SUGT1: variants seen among roughly 807,000 people sequenced by gnomAD.
The protein encoded by SUGT1 is protein SGT1 homolog.
SUGT1 carries 15 observed loss-of-function variants against 56.1 expected under a neutral mutation model. That is an observed-to-expected ratio of 0.27 (90% CI 0.18 to 0.41). The LOEUF (loss-of-function observed/expected upper bound fraction) is 0.41, where lower values mean the gene tolerates loss of function less well. SUGT1 is among the 10% of genes least tolerant of loss of function. SUGT1 has a pLI of 1.00. For missense variants in SUGT1, 347 were observed against 382.2 expected (o/e 0.91, Z 0.77); for synonymous variants, 123 against 128.6 (o/e 0.96, Z 0.30).
At chr13:52,687,368 TATA>T (rs1963638415) in intron 12 of SUGT1, 1 of 124,096 alleles carries the variant, frequency 8.1e-6, no homozygotes, top group African/African-American at 3.2e-5. Flanking sequence ...CAAAAGAGAT[TATA>T]ATAATCATTT....
At chr13:52,685,842 T>A (rs1189458183) in intron 12 of SUGT1, among the ~76,000 whole-genome samples, 1 of 152,154 alleles carries the variant, frequency 6.6e-6, no homozygotes, top group African/African-American at 2.4e-5. Flanking sequence ...TTAGGAGAGA[T>A]GCGGGGGTGG....
In SUGT1 at chr13:52,695,889, A is replaced by G. The variant is rs2138196700; in HGVS notation, c.*8054A>G. The G allele has an allele frequency of 6.6e-6, 1 of 152,334 alleles. No individual in the cohort carries two copies. Among genetic ancestry groups the G allele is most frequent in the East Asian group, 1.9e-4 (1 of 5,188 alleles). The allele number at this position is 152,334 out of a possible 1,614,324, so 9.4% of individuals were successfully genotyped here. A position where few individuals can be genotyped will look rare whatever the true frequency, so the allele number is the denominator to read the frequency against. On this transcript the variant is annotated 3_prime_UTR_variant, in exon 13 of 13. Coordinates refer to ENST00000310528, the MANE Select transcript of SUGT1 (RefSeq NM_006704.5). ...ATCTCCAGTTTCCTACTGATGTGTCAAAACTGAGTTTGTATGCTACCTCCA... is the reference window on the plus strand; with the variant it reads ...ATCTCCAGTTTCCTACTGATGTGTCGAAACTGAGTTTGTATGCTACCTCCA...
rs995006116 is a variant in SUGT1, at chr13:52,694,091, G to A, written c.*6256G>A. ...TGAAATTGTGGAAAGCAAAACCATG[G>A]ATAAAGGGGAACTATTAATAGTCTA... On this transcript the variant is annotated 3_prime_UTR_variant, in exon 13 of 13. Transcript: ENST00000310528. 6.6e-6 allele frequency: 1 copy of A among 152,166 alleles called. No homozygotes were observed. Among genetic ancestry groups the A allele is most frequent in the Admixed American group, 6.5e-5 (1 of 15,276 alleles). 9.4% of individuals were successfully genotyped at this position (152,166 alleles called of 1,614,324 possible).
At chr13:52,657,498 CTT>C in intron 2 of SUGT1, 32 bp from the exon 3 acceptor site, 1 of 1,586,232 alleles carries the variant, frequency 6.3e-7, no homozygotes, top group South Asian at 1.1e-5. Flanking sequence ...TTCTTACAAA[CTT>C]TTACTGACGC....
rs1963798066 is a variant in SUGT1 at position 52,692,133 on chromosome 13, G to A, written c.*4298G>A. ...TACTAGCATTTCTTATGGATTGGGT[G>A]GCATTATCTCATTTTTAATCGCCCT... On this transcript the variant is annotated 3_prime_UTR_variant, in exon 13 of 13. Coordinates refer to ENST00000310528, the MANE Select transcript of SUGT1 (RefSeq NM_006704.5). 1 of 152,120 alleles carries A rather than the reference G, an allele frequency of 6.6e-6. No homozygotes were observed. Among genetic ancestry groups the A allele is most frequent in the Non-Finnish European group, 1.5e-5 (1 of 68,020 alleles). The allele number at this position is 152,120 out of a possible 1,614,324, so 9.4% of individuals were successfully genotyped here. A position where few individuals can be genotyped will look rare whatever the true frequency, so the allele number is the denominator to read the frequency against.
chr13:52,687,776 G>A lies in SUGT1; in HGVS notation c.943G>A (p.Val315Ile), dbSNP rs1256380523. Reference sequence around the variant, plus strand: ...AGTTTTGAGTACCAACTGGTCTGATGTAGGTAAAAGGAAAGTTGAAATCAA... The same window carrying A: ...AGTTTTGAGTACCAACTGGTCTGATATAGGTAAAAGGAAAGTTGAAATCAA... ...GTVLSTNWSD[V>I]GKRKVEINPP... is the part of the protein sequence containing the mutation. Residue 315 changes from valine to isoleucine, a missense_variant, in exon 13 of 13, where the codon GTA becomes ATA. Transcript: ENST00000310528. The A allele has an allele frequency of 1.2e-6, 2 of 1,602,764 alleles. No individual in the cohort carries two copies. The highest frequency in any genetic ancestry group is 1.7e-6 in the Non-Finnish European group (2 of 1,175,594).
chr13:52,660,348 G>A (rs1278207331), intron 5 of SUGT1, among the ~76,000 whole-genome samples: 1 of 152,144 alleles, frequency 6.6e-6, no homozygotes, highest in Non-Finnish European at 1.5e-5. Context: ...CATGAATGGT[G>A]GATGGGGGTT....
chr13:52,653,521 C>CTTTT (rs1287019857), intron 2 of SUGT1, among the ~76,000 whole-genome samples: 1 of 152,182 alleles, frequency 6.6e-6, no homozygotes, highest in Non-Finnish European at 1.5e-5. Context: ...GAGCAAAACC[C>CTTTT]TTTTCCCTCA....
At chr13:52,686,793 G>A (rs543267967) in intron 12 of SUGT1, among the ~76,000 whole-genome samples, 3 of 152,150 alleles carry the variant, frequency 2.0e-5, no homozygotes, top group South Asian at 2.1e-4. Flanking sequence ...AGATGGGGCT[G>A]GGTGCGGTGG....
chr13:52,653,200 G>A (rs1424394269), intron 2 of SUGT1, 97 bp downstream of exon 2: 2 of 1,447,436 alleles, frequency 1.4e-6, no homozygotes, highest in Non-Finnish European at 1.9e-6. Flanking sequence ...CGCCGGACAG[G>A]GACCCAGGCT....
intron 2 of SUGT1, among the ~76,000 whole-genome samples, chr13:52,655,867 A>C (rs1962141628): frequency 6.6e-6 from 1 of 152,208 alleles, no homozygotes; most frequent in Non-Finnish European, 1.5e-5. Flanking sequence ...CTCAAGATAG[A>C]CTTGAGTCAT....
At chr13:52,672,590 G>A (rs1962988263) in intron 10 of SUGT1, among the ~76,000 whole-genome samples, 4 of 152,182 alleles carry the variant, frequency 2.6e-5, no homozygotes, top group Admixed American at 2.0e-4. Flanking sequence ...CTTAGTAAGA[G>A]TATGTTGGGA....
intron 11 of SUGT1, 74 bp from the exon 12 acceptor site, chr13:52,679,900 G>T (rs1389693778): frequency 2.0e-5 from 28 of 1,430,268 alleles, no homozygotes; most frequent in Non-Finnish European, 2.6e-5. Flanking sequence ...CATATACATG[G>T]TCACAAAGTT....
At chr13:52,685,301 C>T (rs1963540112) in intron 12 of SUGT1, among the ~76,000 whole-genome samples, 1 of 142,768 alleles carries the variant, frequency 7.0e-6, no homozygotes, top group Non-Finnish European at 1.5e-5. Flanking sequence ...TCCTATGTTG[C>T]CCAGGCTGTT....
At position 52,687,866 on chromosome 13, in the gene SUGT1, A is replaced by G. The variant is rs186802245; in HGVS notation, c.*31A>G. 5.5e-5 allele frequency: 79 copies of G among 1,433,596 alleles called. No individual in the cohort carries two copies. In the Admixed American group the frequency reaches 1.3e-3, roughly 24 times the overall value. The allele number at this position is 1,433,596 out of a possible 1,614,324, so 88.8% of individuals were successfully genotyped here. On this transcript the variant is annotated 3_prime_UTR_variant, in exon 13 of 13. Transcript: ENST00000310528. ...TTAATTTGCTCTCATCGTATTGTGT[A>G]TATTCACCTAATGCCCATTGTGTAT...
At chr13:52,680,362 T>C (rs9536235) in intron 12 of SUGT1, among the ~76,000 whole-genome samples, 145,657 of 152,252 alleles carry the variant, frequency 0.96, 69,693 homozygotes, top group East Asian at 0.99. Context: ...GTGGTTTATC[T>C]TAAATAGGTA....
At chr13:52,657,464 A>G (rs1962222762) in intron 2 of SUGT1, 68 bp from the exon 3 acceptor site, 3 of 1,307,306 alleles carry the variant, frequency 2.3e-6, no homozygotes, top group South Asian at 1.3e-5. Flanking sequence ...ATTAAAAATT[A>G]TGTTTTAATT....
rs1964017868 is a variant in SUGT1 at position 52,699,191 on chromosome 13, T to A, written c.*11356T>A. On this transcript the variant is annotated 3_prime_UTR_variant, in exon 13 of 13. Transcript: ENST00000310528. ...GAGATGCTGAATGATGCTTTTTTTC[T>A]TCTTAATCTTGGGGGGTCATTATGA... 1 of 152,214 alleles carries A rather than the reference T, an allele frequency of 6.6e-6. No homozygotes were observed. Among genetic ancestry groups the A allele is most frequent in the Admixed American group, 6.5e-5 (1 of 15,286 alleles). 9.4% of individuals were successfully genotyped at this position (152,214 alleles called of 1,614,324 possible). A position where few individuals can be genotyped will look rare whatever the true frequency, so the allele number is the denominator to read the frequency against.
chr13:52,653,052 C>T lies in SUGT1; in HGVS notation c.45C>T (p.Phe15=). The part of the protein sequence containing the change: ...AAGTATSQRF[F]QSFSDALIDE... ...GTCGTTGTTTTCCTGACAGGTTTTT[C>T]CAGAGCTTCTCGGATGCCCTAATCG... Residue 15 remains phenylalanine (F), a synonymous_variant, in exon 2 of 13, where the codon TTC becomes TTT. Coordinates refer to ENST00000310528, the MANE Select transcript of SUGT1 (RefSeq NM_006704.5). 1.2e-6 allele frequency: 2 copies of T among 1,614,162 alleles called. No homozygotes were observed. Among genetic ancestry groups the T allele is most frequent in the Non-Finnish European group, 1.7e-6 (2 of 1,180,028 alleles).
Sources: allele counts gnomAD v4.1 joint callset (sites outside exome capture counted in the v4.1 genomes callset), GRCh38; gene constraint gnomAD v4.1.1; transcripts MANE v1.5; gene names NCBI Gene and HGNC (gene_info 2026-07-23, HGNC 2026-07-21).